The following SUPT3H variants were observed in gnomAD, a reference collection of about 807,000 sequenced individuals.
SUPT3H encodes the protein SPT3 homolog, SAGA and STAGA complex component.
Under a neutral mutation model 44.3 loss-of-function variants are expected in SUPT3H, and 44 were observed. That is an observed-to-expected ratio of 0.99 (90% confidence interval 0.78 to 1.28). The LOEUF is 1.28. Ranked by LOEUF, SUPT3H falls within the 50% of genes most tolerant of loss-of-function variation. The pLI is 0.00. For synonymous variants in SUPT3H, 124 were observed against 125.6 expected (o/e 0.99, Z 0.09); for missense variants, 380 against 387.1 (o/e 0.98, Z 0.15).
At chr6:44,948,488 C>T (rs1455064054) in intron 9 of SUPT3H, among the ~76,000 whole-genome samples, 2 of 151,922 alleles carry the variant, frequency 1.3e-5, no homozygotes, top group South Asian at 4.2e-4. Flanking sequence ...TACAATCTAC[C>T]CATCTGACAA....
At chr6:45,194,462 C>CT (rs1477968169) in intron 2 of SUPT3H, among the ~76,000 whole-genome samples, 2 of 152,082 alleles carry the variant, frequency 1.3e-5, no homozygotes, top group Non-Finnish European at 2.9e-5. Flanking sequence ...TTAAAGAATA[C>CT]TATTCAAGTG....
At chr6:45,279,252 G>A (rs1777535298) in intron 2 of SUPT3H, among the ~76,000 whole-genome samples, 1 of 152,150 alleles carries the variant, frequency 6.6e-6, no homozygotes, top group African/African-American at 2.4e-5. Flanking sequence ...GCATTACACT[G>A]TAGAAAATAT....
intron 2 of SUPT3H, among the ~76,000 whole-genome samples, chr6:45,356,049 T>C (rs941121746): frequency 6.6e-6 from 1 of 152,062 alleles, no homozygotes; most frequent in African/African-American, 2.4e-5. Context: ...CAGAAACCTA[T>C]GAAAGGTAAG....
At chr6:45,283,511 G>T (rs1270814164) in intron 2 of SUPT3H, among the ~76,000 whole-genome samples, 1 of 151,682 alleles carries the variant, frequency 6.6e-6, no homozygotes, top group Non-Finnish European at 1.5e-5. Flanking sequence ...AATGGTAAAG[G>T]GATCAATTCA....
At chr6:45,163,265 ACTG>A (rs1347706005) in intron 2 of SUPT3H, among the ~76,000 whole-genome samples, 1 of 152,176 alleles carries the variant, frequency 6.6e-6, no homozygotes. Flanking sequence ...AATTCATTTC[ACTG>A]CTAATTGCAT....
intron 2 of SUPT3H, among the ~76,000 whole-genome samples, chr6:45,357,222 T>C (rs1425393314): frequency 2.6e-5 from 4 of 152,130 alleles, no homozygotes; most frequent in Non-Finnish European, 5.9e-5. Context: ...TTAGCCAGGA[T>C]GGTCTCAATC....
intron 2 of SUPT3H, among the ~76,000 whole-genome samples, chr6:45,210,805 T>C (rs899839001): frequency 2.0e-5 from 3 of 152,200 alleles, no homozygotes; most frequent in Non-Finnish European, 4.4e-5. Flanking sequence ...AATCAAAAAA[T>C]TCATGAGACT....
At chr6:45,367,943 T>G (rs997137465) in intron 1 of SUPT3H, among the ~76,000 whole-genome samples, 3 of 152,206 alleles carry the variant, frequency 2.0e-5, no homozygotes, top group African/African-American at 7.2e-5. Flanking sequence ...CCACATTGTT[T>G]GATTTAGATA....
At chr6:45,016,688 G>A (rs1784336335) in intron 4 of SUPT3H, among the ~76,000 whole-genome samples, 1 of 151,712 alleles carries the variant, frequency 6.6e-6, no homozygotes, top group Non-Finnish European at 1.5e-5. Flanking sequence ...ACGTTTTATG[G>A]CTGCATAGTA....
intron 10 of SUPT3H, among the ~76,000 whole-genome samples, chr6:44,870,617 A>G (rs1198130451): frequency 2.0e-5 from 3 of 149,106 alleles, no homozygotes; most frequent in African/African-American, 4.9e-5. Flanking sequence ...AAAAAAAAAG[A>G]AAGAAAAAGA....
intron 3 of SUPT3H, among the ~76,000 whole-genome samples, chr6:45,023,461 T>C (rs1785475089): frequency 6.6e-6 from 1 of 152,000 alleles, no homozygotes. Context: ...CATTCTACCA[T>C]AAAGACACAT....
intron 2 of SUPT3H, among the ~76,000 whole-genome samples, chr6:45,171,696 A>G (rs1292707215): frequency 6.6e-6 from 1 of 150,958 alleles, no homozygotes; most frequent in African/African-American, 2.4e-5. Context: ...GTAAGGCATT[A>G]ACAAAAATTC....
intron 9 of SUPT3H, among the ~76,000 whole-genome samples, chr6:44,934,682 C>T (rs1771133212): frequency 6.6e-6 from 1 of 152,174 alleles, no homozygotes; most frequent in Non-Finnish European, 1.5e-5. Context: ...ACCCCTTCTG[C>T]CATGTGAGGT....
intron 10 of SUPT3H, among the ~76,000 whole-genome samples, chr6:44,840,017 T>C (rs1022814018): frequency 2.6e-5 from 4 of 152,212 alleles, no homozygotes; most frequent in African/African-American, 9.7e-5. Context: ...AGTTTTTGAC[T>C]ACTGAATTAA....
At chr6:45,374,726 T>C in intron 1 of SUPT3H, among the ~76,000 whole-genome samples, 1 of 152,170 alleles carries the variant, frequency 6.6e-6, no homozygotes, top group Admixed American at 6.5e-5. Context: ...TAGACTACCA[T>C]GCAGTCACCC....
chr6:44,861,374 G>GTTTTCTTTTC (rs10642575), intron 10 of SUPT3H, among the ~76,000 whole-genome samples: 9 of 150,824 alleles, frequency 6.0e-5, no homozygotes, highest in East Asian at 2.0e-4. Flanking sequence ...CTCAGCCACA[G>GTTTTCTTTTC]TTTTCTTTTC....
chr6:44,827,847 T>TA lies in SUPT3H; in HGVS notation c.*1968_*1969insT, dbSNP rs5875895. On this transcript the variant is annotated 3_prime_UTR_variant, in exon 11 of 11. Transcript: ENST00000371459. Reference sequence around the variant, plus strand: ...TGGCTTATGATGAAAAATGAAAGGTTTTATATGAACTTACTGGGCAAAACC... The same window carrying TA: ...TGGCTTATGATGAAAAATGAAAGGTTATTATATGAACTTACTGGGCAAAACC... 0.29 allele frequency among the ~76,000 whole-genome samples: 44,000 copies of TA among 151,946 alleles called. 6,684 individuals carry two copies. Among genetic ancestry groups the TA allele is most frequent in the Admixed American group, 0.4 (6,133 of 15,262 alleles).
At chr6:45,237,478 T>C (rs954414853) in intron 2 of SUPT3H, among the ~76,000 whole-genome samples, 1 of 152,140 alleles carries the variant, frequency 6.6e-6, no homozygotes, top group East Asian at 1.9e-4. Flanking sequence ...TCCAGAGCAA[T>C]TGTACAGCCC....
intron 11 of SUPT3H, among the ~76,000 whole-genome samples, chr6:44,811,186 G>T (rs992651592): frequency 3.9e-5 from 6 of 152,100 alleles, no homozygotes; most frequent in African/African-American, 1.4e-4. Flanking sequence ...GCTCCTCTTG[G>T]CTATGATAGT....
Sources: allele counts gnomAD v4.1 joint callset (sites outside exome capture counted in the v4.1 genomes callset), GRCh38; gene constraint gnomAD v4.1.1; transcripts MANE v1.5; gene names NCBI Gene and HGNC (gene_info 2026-07-23, HGNC 2026-07-21).